CIMIP2A: variants seen among roughly 807,000 people sequenced by gnomAD.
CIMIP2A encodes ciliary microtubule inner protein 2A.
the CIMIP2A span, among the ~76,000 whole-genome samples, chr9:137,243,944 G>C: frequency 1.3e-5 from 2 of 152,148 alleles, no homozygotes; most frequent in Admixed American, 6.6e-5. Context: ...TCCTGTTCCA[G>C]GTACCCAACC....
chr9:137,253,183 G>A, the CIMIP2A span: 13 of 1,606,418 alleles, frequency 8.1e-6, no homozygotes, highest in Middle Eastern at 1.7e-4. Context: ...GGCGCCTGGC[G>A]TGGTCATCCA....
chr9:137,244,369 C>T, the CIMIP2A span: 80 of 1,598,526 alleles, frequency 5.0e-5, no homozygotes, highest in Admixed American at 5.1e-4. Flanking sequence ...GGGGCCTGGC[C>T]GGAGGGCCGG....
chr9:137,246,303 G>A, the CIMIP2A span, among the ~76,000 whole-genome samples: 1 of 152,232 alleles, frequency 6.6e-6, no homozygotes, highest in Non-Finnish European at 1.5e-5. Context: ...GCCACCCCAG[G>A]AGGCCAGTAG....
the CIMIP2A span, chr9:137,245,580 G>A: frequency 6.2e-7 from 1 of 1,613,704 alleles, no homozygotes; most frequent in Non-Finnish European, 8.5e-7. Context: ...GGCAGCCTGT[G>A]AGTGCCGGGA....
chr9:137,246,895 G>GCA, the CIMIP2A span, among the ~76,000 whole-genome samples: 14 of 152,100 alleles, frequency 9.2e-5, no homozygotes, highest in East Asian at 7.7e-4. Flanking sequence ...GTATGTAGGT[G>GCA]CACACACACA....
chr9:137,248,243 T>C, the CIMIP2A span, among the ~76,000 whole-genome samples: 1 of 152,114 alleles, frequency 6.6e-6, no homozygotes, highest in African/African-American at 2.4e-5. Flanking sequence ...AAGGACTTCC[T>C]AACCATAAAA....
the CIMIP2A span, among the ~76,000 whole-genome samples, chr9:137,249,006 CAG>C: frequency 7.0e-6 from 1 of 142,542 alleles, no homozygotes; most frequent in Non-Finnish European, 1.5e-5. Flanking sequence ...ATGGAAAATG[CAG>C]ACTAATATGG....
chr9:137,244,543 A>G, the CIMIP2A span: 6 of 1,546,546 alleles, frequency 3.9e-6, no homozygotes, highest in African/African-American at 6.8e-5. Flanking sequence ...CAGGCTTCTC[A>G]GGGAACCTGG....
chr9:137,247,315 T>C, the CIMIP2A span, among the ~76,000 whole-genome samples: 1 of 152,204 alleles, frequency 6.6e-6, no homozygotes, highest in South Asian at 2.1e-4. Flanking sequence ...TGAAATGAAG[T>C]GTGGAGTCCT....
At chr9:137,252,607 C>T in the CIMIP2A span, 1 of 1,517,710 alleles carries the variant, frequency 6.6e-7, no homozygotes, top group East Asian at 2.5e-5. Flanking sequence ...GGGGGGCTGG[C>T]TGAGGGTCCG....
the CIMIP2A span, chr9:137,252,081 CGA>C: frequency 1.2e-6 from 2 of 1,612,718 alleles, no homozygotes; most frequent in Non-Finnish European, 1.7e-6. Context: ...CCCGTCCGTA[CGA>C]GAGTCCTCCC....
At chr9:137,252,065 G>A in the CIMIP2A span, 1 of 1,613,070 alleles carries the variant, frequency 6.2e-7, no homozygotes, top group Admixed American at 1.7e-5. Flanking sequence ...GGTACCAGGT[G>A]CCGAGCCCGT....
the CIMIP2A span, among the ~76,000 whole-genome samples, chr9:137,254,450 A>G: frequency 6.6e-6 from 1 of 152,338 alleles, no homozygotes; most frequent in South Asian, 2.1e-4. Context: ...TGAGACCCAA[A>G]GCTAGGAGTG....
the CIMIP2A span, among the ~76,000 whole-genome samples, chr9:137,254,465 C>G: frequency 6.6e-6 from 1 of 152,184 alleles, no homozygotes; most frequent in African/African-American, 2.4e-5. Flanking sequence ...GGAGTGGGAG[C>G]GGCAGGAAAG....
chr9:137,244,616 G>A, the CIMIP2A span: 1 of 1,612,114 alleles, frequency 6.2e-7, no homozygotes, highest in Non-Finnish European at 8.5e-7. Flanking sequence ...TGAGCTGGGA[G>A]CAGGCCCTGG....
At chr9:137,247,694 C>T in the CIMIP2A span, 13 of 1,613,372 alleles carry the variant, frequency 8.1e-6, no homozygotes, top group African/African-American at 6.7e-5. Context: ...GTGAAGAGAT[C>T]GTGTTTCTGA....
the CIMIP2A span, among the ~76,000 whole-genome samples, chr9:137,246,561 A>G: frequency 1.3e-5 from 2 of 152,066 alleles, no homozygotes; most frequent in Non-Finnish European, 2.9e-5. Flanking sequence ...CAGGAGATCA[A>G]GACCATCCTG....
At chr9:137,244,079 G>A in the CIMIP2A span, 4 of 1,295,490 alleles carry the variant, frequency 3.1e-6, no homozygotes, top group Middle Eastern at 2.5e-4. Context: ...CAGACAGGTG[G>A]TCCTGAACCA....
the CIMIP2A span, chr9:137,252,599 G>T: frequency 6.6e-7 from 1 of 1,514,760 alleles, no homozygotes; most frequent in Non-Finnish European, 8.9e-7. Context: ...GGGCCAAAGG[G>T]GGGCTGGCTG....
Sources: gnomAD v4.1 joint callset for allele counts (sites outside exome capture counted in the v4.1 genomes callset) on GRCh38, gnomAD v4.1.1 for gene constraint, MANE v1.5 for transcripts, NCBI Gene and HGNC (gene_info 2026-07-23, HGNC 2026-07-21) for gene names.